Variants in ERN1 observed in about 807,000 individuals in gnomAD.
ERN1 encodes endoplasmic reticulum to nucleus signaling 1.
Under a neutral mutation model 113.1 loss-of-function variants are expected in ERN1, and 39 were observed. The observed-to-expected ratio is 0.34, with a 90% confidence interval of 0.27 to 0.45. The LOEUF is 0.45. Among genes scored for constraint, ERN1 ranks in the 20% least tolerant of loss-of-function variants. ERN1 has a pLI of 1.00. For synonymous variants in ERN1, 507 were observed against 515.9 expected (o/e 0.98, Z 0.23); for missense variants, 976 against 1,274.8 (o/e 0.77, Z 3.57).
intron 2 of ERN1, among the ~76,000 whole-genome samples, chr17:64,083,478 C>A (rs1913831583): frequency 6.6e-6 from 1 of 152,026 alleles, no homozygotes; most frequent in Admixed American, 6.6e-5. Context: ...TAAAATAAGC[C>A]ACTATCTATA....
In ERN1 at chr17:64,129,659, T is replaced by C. The variant is rs1354498566; in HGVS notation, c.54+317A>G. On this transcript the variant is annotated intron_variant, in intron 1 of 21. Transcript: ENST00000433197. The stretch of plus-strand genomic sequence containing the variant: ...GCCGGGGCCTTCTGGGACCCCCAAG[T>C]GCCGTGCAGGACGCCACGAAGTTGC... The C allele has an allele frequency of 1.6e-5, 6 of 371,068 alleles. No individual in the cohort carries two copies. The South Asian group carries it at 7.3e-4, about 45-fold the overall frequency. 23.0% of individuals were successfully genotyped at this position (371,068 alleles called of 1,614,324 possible). A position where few individuals can be genotyped will look rare whatever the true frequency, so the allele number is the denominator to read the frequency against.
intron 17 of ERN1, among the ~76,000 whole-genome samples, chr17:64,051,589 A>G (rs73328391): frequency 2.6e-5 from 4 of 152,210 alleles, no homozygotes; most frequent in Non-Finnish European, 5.9e-5. Flanking sequence ...TGTCATGAGG[A>G]AAAAAGCAAA....
At chr17:64,091,713 A>C (rs1914093067) in intron 2 of ERN1, among the ~76,000 whole-genome samples, 1 of 151,666 alleles carries the variant, frequency 6.6e-6, no homozygotes, top group African/African-American at 2.4e-5. Context: ...AAGGAGTTAC[A>C]TGGCTGCAAG....
intron 10 of ERN1, among the ~76,000 whole-genome samples, chr17:64,061,169 T>C (rs1335613552): frequency 6.6e-6 from 1 of 152,242 alleles, no homozygotes; most frequent in Non-Finnish European, 1.5e-5. Context: ...AACTATCGCA[T>C]GGCTACTGAG....
intron 2 of ERN1, among the ~76,000 whole-genome samples, chr17:64,091,654 C>A (rs1472247689): frequency 6.6e-6 from 1 of 152,106 alleles, no homozygotes; most frequent in Non-Finnish European, 1.5e-5. Flanking sequence ...TTGCAGGCTG[C>A]TGGTAGAGAG....
In ERN1 at chr17:64,061,253, G is replaced by GA. The variant is rs1913045824; in HGVS notation, c.1088-667dup. 2.6e-5 allele frequency among the ~76,000 whole-genome samples: 4 copies of GA among 152,334 alleles called. No individual in the cohort carries two copies. The South Asian group carries it at 8.3e-4, about 32-fold the overall frequency. ...GAGATACAAAGCTGACTAGAATAGG[G>GA]AACTGGGATTTGATAGGGCTTGATA... On this transcript the variant is annotated intron_variant, in intron 10 of 21. Transcript: ENST00000433197.
chr17:64,102,627 C>T (rs1381430299), intron 1 of ERN1: 4 of 973,590 alleles, frequency 4.1e-6, no homozygotes, highest in Non-Finnish European at 4.9e-6. Context: ...AAACATGTTT[C>T]CAGATGCCTT....
At chr17:64,103,828 C>T (rs1420728418) in intron 1 of ERN1, among the ~76,000 whole-genome samples, 1 of 152,110 alleles carries the variant, frequency 6.6e-6, no homozygotes, top group Admixed American at 6.6e-5. Flanking sequence ...GTTCAAACAG[C>T]ACAAAAACAA....
In ERN1 at chr17:64,049,023, C is replaced by A; in HGVS notation, c.2401+32G>T. On this transcript the variant is annotated intron_variant, in intron 18 of 21. Transcript: ENST00000433197. This position sits in a 1 kb window ranked among gnomAD's most constrained non-coding sequence, Gnocchi z 4.7. ...AGGGCCACCTGAGGCAGCTGAGGAG[C>A]TGCTCCCAACCCCAACCCCTGGACC... 3 of 1,524,702 alleles carry A rather than the reference C, an allele frequency of 2.0e-6. No individual in the cohort carries two copies. Among genetic ancestry groups the A allele is most frequent in the Non-Finnish European group, 2.7e-6 (3 of 1,126,382 alleles). The allele number at this position is 1,524,702 out of a possible 1,614,324, so 94.4% of individuals were successfully genotyped here.
At chr17:64,077,768 T>A (rs533936106) in intron 4 of ERN1, among the ~76,000 whole-genome samples, 1 of 151,070 alleles carries the variant, frequency 6.6e-6, no homozygotes, top group Admixed American at 6.6e-5. Context: ...TTTTTTGAGA[T>A]GGAGTCTCGC....
chr17:64,055,161 A>C (rs748229778), intron 13 of ERN1, among the ~76,000 whole-genome samples: 1 of 152,274 alleles, frequency 6.6e-6, no homozygotes, highest in African/African-American at 2.4e-5. Flanking sequence ...AATAGTTAAC[A>C]ACCACCACAA....
intron 2 of ERN1, among the ~76,000 whole-genome samples, chr17:64,090,138 A>G (rs1914047146): frequency 6.6e-6 from 1 of 152,212 alleles, no homozygotes; most frequent in African/African-American, 2.4e-5. Flanking sequence ...AGAAAGTCTC[A>G]AACATTCTTT....
Position 64,082,478 on chromosome 17 carries a change from G to A in ERN1, c.176-1670C>T, listed in dbSNP as rs191833911. On this transcript the variant is annotated intron_variant, in intron 2 of 21. Coordinates refer to ENST00000433197, the MANE Select transcript of ERN1 (RefSeq NM_001433.5). ...AAGAAGAGCAAGAATATCATATTCC[G>A]AAGAAAACACAGCAGTAAAATGGCA... 3.3e-5 allele frequency among the ~76,000 whole-genome samples: 5 copies of A among 152,304 alleles called. No individual in the cohort carries two copies. In the East Asian group the frequency reaches 9.6e-4, roughly 29 times the overall value.
chr17:64,129,614 C>T, intron 1 of ERN1: 1 of 366,442 alleles, frequency 2.7e-6, no homozygotes, highest in Non-Finnish European at 4.9e-6. Context: ...GAGGGTCCCG[C>T]AGGTGGGCGG....
At chr17:64,124,007 G>A (rs1023514977) in intron 1 of ERN1, among the ~76,000 whole-genome samples, 2 of 152,160 alleles carry the variant, frequency 1.3e-5, no homozygotes, top group Admixed American at 1.3e-4. Context: ...CAAGATATTA[G>A]ATTAGTTATT....
intron 1 of ERN1, among the ~76,000 whole-genome samples, chr17:64,107,388 C>T (rs1914557266): frequency 1.3e-5 from 2 of 152,206 alleles, no homozygotes; most frequent in Admixed American, 1.3e-4. Flanking sequence ...CAGCACAAAT[C>T]ATGGCTCACT....
intron 10 of ERN1, among the ~76,000 whole-genome samples, chr17:64,062,269 C>T (rs1048580205): frequency 5.9e-5 from 9 of 152,390 alleles, no homozygotes; most frequent in Non-Finnish European, 1.0e-4. Flanking sequence ...GGGCAACCCA[C>T]AGACCATGCC....
rs3044067 is a variant in ERN1, at chr17:64,075,266, A to AAG, written c.283-20_283-19insCT. On this transcript the variant is annotated intron_variant, in intron 4 of 21. Transcript: ENST00000433197. Reference sequence around the variant, plus strand: ...GAAGTTTCTTTAAAAAAAAAAAAAAAGAAAAAAAAAAGTTAACCAAGTCTT... The same window carrying AAG: ...GAAGTTTCTTTAAAAAAAAAAAAAAAAGGAAAAAAAAAAGTTAACCAAGTCTT... 2 of 1,478,090 alleles carry AAG rather than the reference A, an allele frequency of 1.4e-6. No individual in the cohort carries two copies. The highest frequency in any genetic ancestry group is 2.6e-5 in the East Asian group (1 of 38,794). 91.6% of individuals were successfully genotyped at this position (1,478,090 alleles called of 1,614,324 possible).
In ERN1 at chr17:64,064,047, A is replaced by G; in HGVS notation, c.1026T>C (p.Phe342=). Residue 342 remains phenylalanine (F), a synonymous_variant, in exon 10 of 22, where the codon TTT becomes TTC. Coordinates refer to ENST00000433197, the MANE Select transcript of ERN1 (RefSeq NM_001433.5). ...TGTTCTTGCTTTTGAGTCCGGGATC[A>G]AACTTGACGTCCGTGCTGGGCGTGA... ...CVITPSTDVK[F]DPGLKSKNKL... 2 of 1,613,980 alleles carry G rather than the reference A, an allele frequency of 1.2e-6. No homozygotes were observed. Among genetic ancestry groups the G allele is most frequent in the Non-Finnish European group, 1.7e-6 (2 of 1,179,868 alleles).
Sources: gnomAD v4.1 joint callset for allele counts (sites outside exome capture counted in the v4.1 genomes callset) on GRCh38, gnomAD v4.1.1 for gene constraint, Gnocchi (gnomAD v3.1) non-coding constraint, MANE v1.5 for transcripts, NCBI Gene and HGNC (gene_info 2026-07-23, HGNC 2026-07-21) for gene names.